Variants in ACBD4 observed in about 807,000 individuals in gnomAD.
ACBD4 encodes the protein acyl-CoA binding domain containing 4.
A neutral mutation model predicts 46.0 loss-of-function variants in ACBD4; 41 were observed. The ratio of observed to expected loss-of-function variants is 0.89; its 90% CI spans 0.69 to 1.16. ACBD4 has a LOEUF of 1.16. Among genes scored for constraint, ACBD4 ranks in the 50% most tolerant of loss-of-function variants. The probability of loss-of-function intolerance (pLI) is 0.00; values close to 1 mark genes in which losing one functional copy is unlikely to be tolerated. For missense variants in ACBD4, 393 were observed against 399.5 expected (o/e 0.98, Z 0.14); for synonymous variants, 162 against 155.9 (o/e 1.04, Z -0.29).
In ACBD4 at chr17:45,137,644, A is replaced by G. The variant is rs878889147; in HGVS notation, c.503-116A>G. On this transcript the variant is annotated intron_variant, in intron 6 of 9. Transcript: ENST00000321854. ...GCCCATCTGTGCCTCAGGTGTTGAT[A>G]TCTCTAGTGCCTCGTATCTCTAGTG... The G allele has an allele frequency of 5.1e-6, 7 of 1,372,574 alleles. No individual in the cohort carries two copies. The South Asian group carries it at 7.1e-5, about 14-fold the overall frequency. 85.0% of individuals were successfully genotyped at this position (1,372,574 alleles called of 1,614,324 possible).
intron 9 of ACBD4, among the ~76,000 whole-genome samples, chr17:45,141,808 T>G (rs1049354557): frequency 1.3e-5 from 2 of 152,134 alleles, no homozygotes; most frequent in Non-Finnish European, 2.9e-5. Context: ...GGGGGTCTGA[T>G]CCCACCATTG....
In ACBD4 at chr17:45,136,252, C is replaced by T. The variant is rs757756306; in HGVS notation, c.88+20C>T. The T allele has an allele frequency of 6.2e-7, 1 of 1,611,088 alleles. No individual in the cohort carries two copies. Among genetic ancestry groups the T allele is most frequent in the Non-Finnish European group, 8.5e-7 (1 of 1,178,620 alleles). Reference sequence around the variant, plus strand: ...AGAACGGTGAGGCTGCGGGGACTCGCATTTGGACTCGCATTCAGGACGCCT... The same window carrying T: ...AGAACGGTGAGGCTGCGGGGACTCGTATTTGGACTCGCATTCAGGACGCCT... On this transcript the variant is annotated intron_variant, in intron 2 of 9. Coordinates refer to ENST00000321854, the MANE Select transcript of ACBD4 (RefSeq NM_001135705.3).
intron 9 of ACBD4, 95 bp downstream of exon 9, chr17:45,139,255 T>G: frequency 7.9e-7 from 1 of 1,263,278 alleles, no homozygotes; most frequent in Non-Finnish European, 1.1e-6. Flanking sequence ...TCCTCACGCC[T>G]CCACCTGCCC....
chr17:45,143,778 C>T lies in ACBD4; in HGVS notation c.*207C>T, dbSNP rs1226401512. On this transcript the variant is annotated 3_prime_UTR_variant, in exon 10 of 10. Transcript: ENST00000321854. ...ACGCTTCCTTCCCTCCCCGCAACCA[C>T]CCCAGGCTCCCCTGGGAGGCTGCAG... The T allele has an allele frequency of 1.9e-5, 15 of 800,112 alleles. No homozygotes were observed. Among genetic ancestry groups the T allele is most frequent in the East Asian group, 2.7e-5 (1 of 36,516 alleles). 49.6% of individuals were successfully genotyped at this position (800,112 alleles called of 1,614,324 possible).
intron 4 of ACBD4, 91 bp from the exon 5 acceptor site, chr17:45,136,928 C>T: frequency 6.2e-7 from 1 of 1,600,208 alleles, no homozygotes; most frequent in Non-Finnish European, 8.5e-7. Context: ...TGGCCCCTGA[C>T]TGGGCACAGG....
rs189281275 is a variant in ACBD4 at position 45,136,756 on chromosome 17, A to G, written c.274A>G (p.Met92Val). The G allele has an allele frequency of 5.6e-6, 9 of 1,613,638 alleles. No individual in the cohort carries two copies. In the Admixed American group the frequency reaches 1.0e-4, roughly 18 times the overall value. The change falls in exon 4 of 10, where the codon ATG becomes GTG. Residue 92 changes from methionine (M) to valine (V), a missense_variant. By Grantham distance (21) the Met-to-Val change is conservative. Transcript: ENST00000321854. ...EEAMSAYITE[M>V]KLVAQKVIDT... ...GGCCATGTCTGCCTACATCACTGAAATGAAACTGGTGGCACAGAAGGTAAG... is the reference window on the plus strand; with the variant it reads ...GGCCATGTCTGCCTACATCACTGAAGTGAAACTGGTGGCACAGAAGGTAAG...
chr17:45,140,687 A>C (rs1202575154), intron 9 of ACBD4, among the ~76,000 whole-genome samples: 1 of 150,774 alleles, frequency 6.6e-6, no homozygotes, highest in African/African-American at 2.4e-5. Context: ...TCTAAACATC[A>C]TGATGTTCCA....
upstream of ACBD4, chr17:45,133,487 G>A (rs916278812): frequency 1.3e-5 from 2 of 150,458 alleles, no homozygotes; most frequent in Non-Finnish European, 2.9e-5. Context: ...ACACTGGCTT[G>A]GGTCCCTACG....
In ACBD4 at chr17:45,136,533, G is replaced by C. The variant is rs367783132; in HGVS notation, c.122G>C (p.Arg41Pro). The C allele has an allele frequency of 1.2e-6, 2 of 1,613,768 alleles. No individual in the cohort carries two copies. The highest frequency in any genetic ancestry group is 2.2e-5 in the South Asian group (2 of 91,058). ...SYRPSYEEML[R>P]FYSYYKQATM... ...CGCCCCTCCTATGAAGAGATGCTGC[G>C]ATTCTACAGTTACTACAAGCAGGCC... The change falls in exon 3 of 10, where the codon CGA becomes CCA. Residue 41 changes from arginine to proline, a missense_variant. Physicochemically the swap from Arg to Pro is moderately radical, Grantham distance 103. Transcript: ENST00000321854.
chr17:45,136,886 ACCTTCATGTTACCCCCAAC>A (rs1390113473), intron 4 of ACBD4, 110 bp downstream of exon 4: 3 of 1,576,996 alleles, frequency 1.9e-6, no homozygotes, highest in Middle Eastern at 2.2e-4. Flanking sequence ...GGGAATCACC[ACCTTCATGTTACCCCCAAC>A]CCTGCCTATC....
At position 45,137,774 on chromosome 17, in the gene ACBD4, A is replaced by G; in HGVS notation, c.517A>G (p.Arg173Gly). 4 of 1,613,952 alleles carry G rather than the reference A, an allele frequency of 2.5e-6. No individual in the cohort carries two copies. The highest frequency in any genetic ancestry group is 3.4e-6 in the Non-Finnish European group (4 of 1,179,990). Residue 173 changes from arginine (R) to glycine (G), a missense_variant, in exon 7 of 10, where the codon AGG (arginine) becomes GGG (glycine). Transcript: ENST00000321854. ...CCCCTCCACAGAGTCCCATTCACCC[A>G]GGGACCTGGACTCCGAGGTTTTCTG... The part of the protein sequence containing the change: ...APPSPESHSP[R>G]DLDSEVFCDS...
chr17:45,143,500 C>A lies in ACBD4; in HGVS notation c.847C>A (p.Leu283Met). The A allele has an allele frequency of 6.2e-7, 1 of 1,613,842 alleles. No homozygotes were observed. The highest frequency in any genetic ancestry group is 8.5e-7 in the Non-Finnish European group (1 of 1,179,986). ...GCCCCTTGGGCTCCCGGGGCCCGCG[C>A]TGCTCTTCTTCCTCCTGTGGCCCTT... ...PWPLGLPGPA[L>M]LFFLLWPFVV... Residue 283 changes from leucine (L) to methionine (M), a missense_variant, in exon 10 of 10, where the codon CTG (leucine) becomes ATG (methionine). Around this residue, in one of 3 missense-constraint regions of ACBD4, gnomAD observed 308 missense variants for 301.8 expected, o/e 1.02. Transcript: ENST00000321854.
At chr17:45,138,314 C>G in intron 8 of ACBD4, 1 of 453,566 alleles carries the variant, frequency 2.2e-6, no homozygotes, top group Non-Finnish European at 4.0e-6. Context: ...TCTCTGGACT[C>G]CCCCGTTTGG....
upstream of ACBD4, chr17:45,132,286 CCG>C: frequency 7.9e-7 from 1 of 1,272,878 alleles, no homozygotes; most frequent in Non-Finnish European, 9.9e-7. The surrounding 1 kb of genome is among the most constrained non-coding windows in gnomAD (Gnocchi z 4.6). Context: ...CCTCTTGGTG[CCG>C]CCATCGGAGG....
chr17:45,134,190 G>A (rs2054641302), upstream of ACBD4, among the ~76,000 whole-genome samples: 1 of 152,180 alleles, frequency 6.6e-6, no homozygotes, highest in Admixed American at 6.5e-5. Flanking sequence ...CTACTTGGTT[G>A]CCCAGGGTGG....
Position 45,143,801 on chromosome 17 carries a change from C to G in ACBD4, c.*230C>G. ...CACCCCAGGCTCCCCTGGGAGGCTG[C>G]AGTTGTGGTACACGTCCCCGGTGCT... On this transcript the variant is annotated 3_prime_UTR_variant, in exon 10 of 10. Transcript: ENST00000321854. 1.5e-6 allele frequency: 1 copy of G among 681,494 alleles called. No individual in the cohort carries two copies. Among genetic ancestry groups the G allele is most frequent in the Non-Finnish European group, 2.4e-6 (1 of 415,668 alleles). The allele number at this position is 681,494 out of a possible 1,614,324, so 42.2% of individuals were successfully genotyped here.
chr17:45,143,351 C>A, intron 9 of ACBD4, 92 bp from the exon 10 acceptor site: 1 of 1,146,658 alleles, frequency 8.7e-7, no homozygotes, highest in Non-Finnish European at 1.2e-6. Flanking sequence ...GGGGCAGGGT[C>A]TTTCCAATCT....
rs143988275 is a variant in ACBD4, at chr17:45,143,478, C to T, written c.825C>T (p.Pro275=). The change falls in exon 10 of 10, where the codon CCC becomes CCT. Residue 275 remains proline, a synonymous_variant. Coordinates refer to ENST00000321854, the MANE Select transcript of ACBD4 (RefSeq NM_001135705.3). ...PQPRPSARPW[P]LGLPGPALLF... is the part of the protein sequence containing the mutation. ...CCAGGCCCAGTGCTCGGCCATGGCC[C>T]CTTGGGCTCCCGGGGCCCGCGCTGC... 1.9e-6 allele frequency: 3 copies of T among 1,613,166 alleles called. No individual in the cohort carries two copies. The East Asian group carries it at 6.7e-5, about 36-fold the overall frequency.
At chr17:45,140,712 G>A (rs896646728) in intron 9 of ACBD4, among the ~76,000 whole-genome samples, 3 of 151,398 alleles carry the variant, frequency 2.0e-5, no homozygotes, top group African/African-American at 7.3e-5. Flanking sequence ...GAAAGAGTTG[G>A]GTTCATATTC....
Sources: allele counts gnomAD v4.1 joint callset (sites outside exome capture counted in the v4.1 genomes callset), GRCh38; gene constraint gnomAD v4.1.1; regional missense constraint gnomAD v4.1.1; non-coding constraint Gnocchi (gnomAD v3.1); transcripts MANE v1.5; gene names NCBI Gene and HGNC (gene_info 2026-07-23, HGNC 2026-07-21).